PCDH9: variants seen among roughly 807,000 people sequenced by gnomAD.
PCDH9 encodes the protein protocadherin-9.
In PCDH9, 24 loss-of-function variants were observed where a neutral mutation model predicts 70.6. The ratio of observed to expected loss-of-function variants is 0.34; its 90% confidence interval spans 0.25 to 0.48. PCDH9 has a LOEUF of 0.48. Ranked by LOEUF, PCDH9 falls within the 20% of genes least tolerant of loss-of-function variation. The probability of loss-of-function intolerance (pLI) is 0.99; values close to 1 mark genes in which losing one functional copy is unlikely to be tolerated. For synonymous variants in PCDH9, 562 were observed against 558.5 expected (o/e 1.01, Z -0.09); for missense variants, 1,281 against 1,503.6 (o/e 0.85, Z 2.45).
At chr13:66,644,502 CG>C (rs1436050578) in intron 3 of PCDH9, among the ~76,000 whole-genome samples, 1 of 151,806 alleles carries the variant, frequency 6.6e-6, no homozygotes, top group African/African-American at 2.4e-5. Flanking sequence ...TAACAGACTT[CG>C]GGCAATTTTC....
At chr13:66,847,648 C>G (rs186077835) in intron 3 of PCDH9, among the ~76,000 whole-genome samples, 1 of 152,184 alleles carries the variant, frequency 6.6e-6, no homozygotes, top group Non-Finnish European at 1.5e-5. Flanking sequence ...GACGTCTTTT[C>G]GACATATCTG....
chr13:67,087,268 CAT>C (rs1342727818), intron 2 of PCDH9, among the ~76,000 whole-genome samples: 1 of 151,942 alleles, frequency 6.6e-6, no homozygotes. Flanking sequence ...CTCAAGAAGA[CAT>C]GTGTGCTAAA....
At chr13:66,901,189 T>C (rs2082271626) in intron 3 of PCDH9, among the ~76,000 whole-genome samples, 1 of 151,786 alleles carries the variant, frequency 6.6e-6, no homozygotes, top group Admixed American at 6.6e-5. Flanking sequence ...AGATATTGTC[T>C]CTCTGAATTT....
chr13:66,909,884 T>C (rs1414757572), intron 2 of PCDH9, among the ~76,000 whole-genome samples: 1 of 152,184 alleles, frequency 6.6e-6, no homozygotes, highest in Non-Finnish European at 1.5e-5. Context: ...CTGACACATG[T>C]TCCTACCCAG....
intron 3 of PCDH9, among the ~76,000 whole-genome samples, chr13:66,704,254 T>C (rs903580318): frequency 2.3e-4 from 35 of 152,206 alleles, no homozygotes; most frequent in Non-Finnish European, 1.8e-4. Context: ...AGTAAACTCA[T>C]AATACATTTA....
intron 3 of PCDH9, among the ~76,000 whole-genome samples, chr13:66,669,470 C>G (rs2078142937): frequency 6.6e-6 from 1 of 152,128 alleles, no homozygotes; most frequent in Non-Finnish European, 1.5e-5. Flanking sequence ...TATTCTGTCA[C>G]TGTTCTACAA....
chr13:66,597,720 T>C (rs1271981906), intron 4 of PCDH9, among the ~76,000 whole-genome samples: 2 of 151,462 alleles, frequency 1.3e-5, no homozygotes, highest in Admixed American at 6.6e-5. Flanking sequence ...AAAACAAAAA[T>C]AGAGAAGTGA....
intron 2 of PCDH9, among the ~76,000 whole-genome samples, chr13:67,045,801 T>C (rs1474470827): frequency 2.6e-5 from 4 of 152,106 alleles, no homozygotes; most frequent in African/African-American, 9.7e-5. Flanking sequence ...TTAGCCTCAT[T>C]TTGGCAGTCC....
chr13:66,801,544 A>G (rs904717961), intron 3 of PCDH9, among the ~76,000 whole-genome samples: 1 of 152,042 alleles, frequency 6.6e-6, no homozygotes, highest in Non-Finnish European at 1.5e-5. Flanking sequence ...TTTGTAGTCA[A>G]TTGTTATGCA....
At chr13:66,485,862 G>GATT (rs1026792724) in intron 4 of PCDH9, among the ~76,000 whole-genome samples, 1 of 151,690 alleles carries the variant, frequency 6.6e-6, no homozygotes, top group Admixed American at 6.6e-5. Context: ...ATGTAGCTGG[G>GATT]ATTACAGACA....
intron 3 of PCDH9, among the ~76,000 whole-genome samples, chr13:66,873,421 AT>A (rs1438788706): frequency 2.0e-5 from 3 of 152,132 alleles, no homozygotes; most frequent in Non-Finnish European, 4.4e-5. Flanking sequence ...AATCCAATTT[AT>A]TTTTAAACAT....
intron 2 of PCDH9, among the ~76,000 whole-genome samples, chr13:66,946,126 T>C (rs959860278): frequency 6.6e-6 from 1 of 152,146 alleles, no homozygotes; most frequent in African/African-American, 2.4e-5. Context: ...TATATTTCTT[T>C]CTTTTGTGAG....
At chr13:66,408,768 C>G (rs112008964) in intron 4 of PCDH9, among the ~76,000 whole-genome samples, 1 of 151,772 alleles carries the variant, frequency 6.6e-6, no homozygotes, top group African/African-American at 2.4e-5. Flanking sequence ...GTCACATACA[C>G]GAAATCACTG....
intron 3 of PCDH9, among the ~76,000 whole-genome samples, chr13:66,868,908 C>G (rs2081622777): frequency 6.6e-6 from 1 of 152,110 alleles, no homozygotes; most frequent in East Asian, 1.9e-4. Context: ...GAGTAACTTA[C>G]AGACTAGCAT....
intron 3 of PCDH9, among the ~76,000 whole-genome samples, chr13:66,653,458 G>T (rs2077880624): frequency 6.6e-6 from 1 of 152,092 alleles, no homozygotes; most frequent in African/African-American, 2.4e-5. Flanking sequence ...AAACTACAAT[G>T]AGATATCATC....
At chr13:66,811,605 G>GCC (rs2139362038) in intron 3 of PCDH9, among the ~76,000 whole-genome samples, 1 of 112,460 alleles carries the variant, frequency 8.9e-6, no homozygotes, top group African/African-American at 3.7e-5. Context: ...CTTCCTACCT[G>GCC]TCTGCCTGCC....
chr13:67,109,675 TA>T (rs1236404656), intron 2 of PCDH9, among the ~76,000 whole-genome samples: 1 of 152,212 alleles, frequency 6.6e-6, no homozygotes, highest in African/African-American at 2.4e-5. Flanking sequence ...GTATCTCCAG[TA>T]AGACTAAATC....
At chr13:66,991,536 A>C (rs1340859503) in intron 2 of PCDH9, among the ~76,000 whole-genome samples, 2 of 152,128 alleles carry the variant, frequency 1.3e-5, no homozygotes, top group South Asian at 4.1e-4. Context: ...ATTTCTTTAT[A>C]AACTTAGAAT....
At chr13:67,087,739 C>T (rs1209871242) in intron 2 of PCDH9, among the ~76,000 whole-genome samples, 1 of 152,020 alleles carries the variant, frequency 6.6e-6, no homozygotes. Flanking sequence ...GCATTATAGA[C>T]ATTTTCATCA....
Sources: allele counts gnomAD v4.1 joint callset (sites outside exome capture counted in the v4.1 genomes callset), GRCh38; gene constraint gnomAD v4.1.1; transcripts MANE v1.5; gene names NCBI Gene and HGNC (gene_info 2026-07-23, HGNC 2026-07-21).